Variants in TMEM67 observed in about 807,000 individuals in gnomAD.
TMEM67 encodes transmembrane protein 67, also known as meckelin.
In TMEM67, 124 loss-of-function variants were observed where a neutral mutation model predicts 136.6. The ratio of observed to expected loss-of-function variants is 0.91; its 90% CI spans 0.78 to 1.05. The LOEUF is 1.05. Among genes scored for constraint, TMEM67 ranks in the 50% least tolerant of loss-of-function variants. The pLI is 0.00. For missense variants in TMEM67, 1,107 were observed against 1,178.4 expected, an observed-to-expected ratio of 0.94 and a Z score of 0.89; for synonymous variants, 364 against 390.5, an observed-to-expected ratio of 0.93 and a Z score of 0.80.
At chr8:93,770,427 G>C (rs1273289591) in intron 6 of TMEM67, among the ~76,000 whole-genome samples, 1 of 152,086 alleles carries the variant, frequency 6.6e-6, no homozygotes, top group East Asian at 1.9e-4. Context: ...TTTCCCAGTT[G>C]TTCAAAAATG....
chr8:93,779,188 A>T (rs1813695435), intron 7 of TMEM67, among the ~76,000 whole-genome samples: 1 of 152,180 alleles, frequency 6.6e-6, no homozygotes, highest in Non-Finnish European at 1.5e-5. Context: ...TTCTTGTGCC[A>T]TGTCTTTTAG....
chr8:93,789,931 A>T (rs1284141322), intron 14 of TMEM67, among the ~76,000 whole-genome samples: 1 of 151,644 alleles, frequency 6.6e-6, no homozygotes, highest in Non-Finnish European at 1.5e-5. Context: ...AAAAAAAATT[A>T]TCTGGGCATG....
chr8:93,816,696 CAAA>C lies in TMEM67; in HGVS notation c.*250_*252del. ...AATAAATTAATACTGACAGTGAGGC[CAAA>C]AAAAATCTAAATGTTGCTTTCAGCA... On this transcript the variant is annotated 3_prime_UTR_variant, in exon 28 of 28. Coordinates refer to ENST00000453321, the MANE Select transcript of TMEM67 (RefSeq NM_153704.6). The C allele has an allele frequency of 3.7e-6, 1 of 273,414 alleles. No individual in the cohort carries two copies. The highest frequency in any genetic ancestry group is 6.9e-6 in the Non-Finnish European group (1 of 144,862). The allele number at this position is 273,414 out of a possible 1,614,324, so 16.9% of individuals were successfully genotyped here.
intron 7 of TMEM67, among the ~76,000 whole-genome samples, chr8:93,773,575 C>G (rs1013476615): frequency 6.6e-6 from 1 of 152,016 alleles, no homozygotes; most frequent in Non-Finnish European, 1.5e-5. Context: ...ATTTAGCTGA[C>G]AGAATTTACT....
chr8:93,767,138 T>C (rs1216412649), intron 6 of TMEM67, among the ~76,000 whole-genome samples: 1 of 152,196 alleles, frequency 6.6e-6, no homozygotes, highest in Non-Finnish European at 1.5e-5. Context: ...TTCCTGTCTT[T>C]CATGAATGCA....
the TMEM67 span, among the ~76,000 whole-genome samples, chr8:93,827,449 A>G: frequency 1.3e-5 from 2 of 152,146 alleles, no homozygotes; most frequent in African/African-American, 4.8e-5. Context: ...TGGTGCAATC[A>G]TAGCTCGCTG....
At position 93,781,693 on chromosome 8, in the gene TMEM67, T is replaced by C. The variant is rs766110263; in HGVS notation, c.1014T>C (p.Asp338=). The C allele has an allele frequency of 6.2e-6, 10 of 1,609,590 alleles. No individual in the cohort carries two copies. The highest frequency in any genetic ancestry group is 4.4e-5 in the South Asian group (4 of 90,268). ...TKLKFVAASY[D]IRGNFLKWQT... Reference sequence around the variant, plus strand: ...TGAAGTTTGTTGCTGCTTCCTATGATATAAGAGGAAATTTTCTCAAGTGGC... The same window carrying C: ...TGAAGTTTGTTGCTGCTTCCTATGACATAAGAGGAAATTTTCTCAAGTGGC... Residue 338 remains aspartate, a synonymous_variant, in exon 10 of 28, where the codon GAT becomes GAC. Transcript: ENST00000453321.
At chr8:93,795,247 G>A (rs1365021295) in intron 16 of TMEM67, 162 bp from the exon 17 acceptor site, 1 of 684,592 alleles carries the variant, frequency 1.5e-6, no homozygotes, top group Non-Finnish European at 2.6e-6. Context: ...GTAGCAAGGA[G>A]GAGGAAGCAG....
chr8:93,758,715 A>G (rs1812689577), intron 3 of TMEM67, 139 bp downstream of exon 3: 2 of 724,926 alleles, frequency 2.8e-6, no homozygotes, highest in Non-Finnish European at 4.8e-6. Flanking sequence ...CTCCTGCCTC[A>G]GCTTCCTGAG....
Position 93,765,440 on chromosome 8 carries a change from AG to A in TMEM67, c.542del (p.Ser181ThrfsTer12). The A allele has an allele frequency of 2.5e-6, 4 of 1,612,054 alleles. No individual in the cohort carries two copies. The highest frequency in any genetic ancestry group is 3.4e-6 in the Non-Finnish European group (4 of 1,179,816). On this transcript the variant is annotated frameshift_variant, in exon 5 of 28. Coordinates refer to ENST00000453321, the MANE Select transcript of TMEM67 (RefSeq NM_153704.6). LOFTEE classifies it high-confidence loss of function. The stretch of plus-strand genomic sequence containing the variant: ...ATGTGAGCCAACATTTGTTAATACC[AG>A]CAGGTCCTGTGCATGTTCAGAACCT... ...VRCEPTFVNT[S>X]RSCACSEPNI... is the part of the protein sequence containing the mutation.
downstream of TMEM67, among the ~76,000 whole-genome samples, chr8:93,820,055 C>T (rs1809018933): frequency 6.6e-6 from 1 of 152,148 alleles, no homozygotes; most frequent in South Asian, 2.1e-4. Flanking sequence ...TTAGAGCACA[C>T]TGAAATTATT....
At chr8:93,827,418 G>T in the TMEM67 span, among the ~76,000 whole-genome samples, 81 of 152,028 alleles carry the variant, frequency 5.3e-4, no homozygotes, top group Non-Finnish European at 1.3e-4. Context: ...GTCTCATTCT[G>T]TCATCCAGGC....
chr8:93,790,385 A>G (rs1814323470), intron 14 of TMEM67, among the ~76,000 whole-genome samples: 1 of 152,178 alleles, frequency 6.6e-6, no homozygotes, highest in African/African-American at 2.4e-5. Context: ...TCTTCTATCT[A>G]AACTCATTTA....
the TMEM67 span, among the ~76,000 whole-genome samples, chr8:93,828,497 T>G: frequency 2.0e-5 from 3 of 152,188 alleles, no homozygotes; most frequent in Non-Finnish European, 4.4e-5. Flanking sequence ...CCCAACACTT[T>G]GGGAGGCCAA....
intron 23 of TMEM67, among the ~76,000 whole-genome samples, chr8:93,806,384 AATAC>A (rs1253698781): frequency 2.0e-5 from 3 of 152,168 alleles, no homozygotes; most frequent in Non-Finnish European, 4.4e-5. Context: ...CCTTATTAGA[AATAC>A]ATACAAAGCA....
chr8:93,772,313 G>T (rs1009216118), intron 6 of TMEM67, among the ~76,000 whole-genome samples: 5 of 151,712 alleles, frequency 3.3e-5, no homozygotes, highest in Non-Finnish European at 7.4e-5. Flanking sequence ...TTTTTCTTTT[G>T]TTTGCCACTT....
intron 4 of TMEM67, among the ~76,000 whole-genome samples, chr8:93,764,603 C>T (rs2130580858): frequency 6.6e-6 from 1 of 152,254 alleles, no homozygotes; most frequent in Non-Finnish European, 1.5e-5. Context: ...TAGAGGCCTA[C>T]ATCATGACTT....
intron 10 of TMEM67, 141 bp from the exon 11 acceptor site, chr8:93,782,254 G>A: frequency 2.9e-6 from 2 of 686,640 alleles, no homozygotes; most frequent in Non-Finnish European, 5.0e-6. Context: ...ATTTATAACA[G>A]ATGTTCCCTT....
intron 26 of TMEM67, 84 bp downstream of exon 26, chr8:93,809,971 C>CTT (rs375597348): frequency 1.2e-3 from 679 of 587,634 alleles, no homozygotes; most frequent in Middle Eastern, 2.4e-3. Flanking sequence ...TTCTTTTTTT[C>CTT]TTTTTTTTTT....
Sources: allele counts gnomAD v4.1 joint callset (sites outside exome capture counted in the v4.1 genomes callset), GRCh38; gene constraint gnomAD v4.1.1; transcripts MANE v1.5; gene names NCBI Gene and HGNC (gene_info 2026-07-23, HGNC 2026-07-21).